BTNL8: variants seen among roughly 807,000 people sequenced by gnomAD.
BTNL8 encodes butyrophilin like 8.
In BTNL8, 22 loss-of-function variants were observed where a neutral mutation model predicts 36.1. That is an observed-to-expected ratio of 0.61 (90% CI 0.44 to 0.87). The LOEUF is 0.87. BTNL8 is among the 40% of genes least tolerant of loss of function. The pLI, the probability that BTNL8 is intolerant of heterozygous loss-of-function variation, is 0.00. For missense variants in BTNL8, 526 were observed against 616.9 expected (o/e 0.85, Z 1.56); for synonymous variants, 203 against 235.6 (o/e 0.86, Z 1.27).
chr5:180,942,029 C>A (rs1441865141), intron 3 of BTNL8, among the ~76,000 whole-genome samples: 3 of 151,738 alleles, frequency 2.0e-5, no homozygotes, highest in Admixed American at 6.6e-5. Flanking sequence ...ACAACATGAT[C>A]TTTATATAAA....
intron 3 of BTNL8, among the ~76,000 whole-genome samples, chr5:180,937,365 C>T (rs1758705567): frequency 6.6e-6 from 1 of 152,192 alleles, no homozygotes; most frequent in African/African-American, 2.4e-5. Flanking sequence ...ACACAGCCTA[C>T]AACATTGACA....
chr5:180,899,392 TAACA>T (rs764636260), intron 1 of BTNL8, 33 bp downstream of exon 1: 15 of 1,594,554 alleles, frequency 9.4e-6, no homozygotes, highest in African/African-American at 2.7e-5. Flanking sequence ...CCTTACTAAC[TAACA>T]GTTTGAGTTC....
chr5:180,937,241 G>C (rs770004149), intron 3 of BTNL8, among the ~76,000 whole-genome samples: 4 of 152,152 alleles, frequency 2.6e-5, no homozygotes, highest in African/African-American at 4.8e-5. Flanking sequence ...TACACCCCTG[G>C]GACCAAGTGA....
intron 1 of BTNL8, among the ~76,000 whole-genome samples, chr5:180,901,671 C>T (rs1021171042): frequency 6.6e-6 from 1 of 152,098 alleles, no homozygotes. Flanking sequence ...ATGTAATTGT[C>T]ACACTTGAAG....
Position 180,949,703 on chromosome 5 carries a change from A to T in BTNL8, c.863-201A>T. ...ATGCCGAGATTGGGACGTCATATTG[A>T]GACATATCTAGACATTGATGAGTCC... On this transcript the variant is annotated intron_variant, in intron 7 of 7. Coordinates refer to ENST00000340184, the MANE Select transcript of BTNL8 (RefSeq NM_001040462.3). 3.1e-6 allele frequency: 2 copies of T among 651,654 alleles called. 1 individual carries two copies. The highest frequency in any genetic ancestry group is 6.0e-5 in the East Asian group (2 of 33,320). 40.4% of individuals were successfully genotyped at this position (651,654 alleles called of 1,614,324 possible).
chr5:180,936,847 C>T (rs377242793), intron 3 of BTNL8, among the ~76,000 whole-genome samples: 3 of 152,124 alleles, frequency 2.0e-5, no homozygotes, highest in Non-Finnish European at 2.9e-5. Context: ...ACCAGTGAGC[C>T]GAAACTTTCA....
At chr5:180,906,102 A>G (rs10479591) in intron 1 of BTNL8, among the ~76,000 whole-genome samples, 34,799 of 118,994 alleles carry the variant, frequency 0.29, 6,229 homozygotes, top group African/African-American at 0.49. Flanking sequence ...TCGTTGATCT[A>G]TCTAATGTTG....
rs569042765 is a variant in BTNL8, at chr5:180,918,245, A to C, written c.673+6631A>C. Among the ~76,000 whole-genome samples, 5 of 152,286 alleles carry C rather than the reference A, an allele frequency of 3.3e-5. No individual in the cohort carries two copies. The South Asian group carries it at 1.0e-3, about 32-fold the overall frequency. Reference sequence around the variant, plus strand: ...GATGCAAACATTTCCAACAAATATTAGCCAACCAAATTCATGATAAAAAGA... The same window carrying C: ...GATGCAAACATTTCCAACAAATATTCGCCAACCAAATTCATGATAAAAAGA... On this transcript the variant is annotated intron_variant, in intron 3 of 7. Transcript: ENST00000340184.
chr5:180,900,787 AACTGGGACCCAGTCCC>A (rs1318934099), intron 1 of BTNL8, among the ~76,000 whole-genome samples: 2 of 152,238 alleles, frequency 1.3e-5, no homozygotes, highest in Non-Finnish European at 1.5e-5. Flanking sequence ...CTGCGGTGGC[AACTGGGACCCAGTCCC>A]ACTGGGACCT....
chr5:180,930,994 G>A (rs764938083), intron 3 of BTNL8, among the ~76,000 whole-genome samples: 44 of 152,224 alleles, frequency 2.9e-4, no homozygotes, highest in African/African-American at 4.3e-4. Flanking sequence ...AAAAGAGCCC[G>A]TATAGCCAAG....
chr5:180,915,496 C>T (rs1757586812), intron 3 of BTNL8, among the ~76,000 whole-genome samples: 1 of 152,212 alleles, frequency 6.6e-6, no homozygotes, highest in South Asian at 2.1e-4. Flanking sequence ...GACTTCCTCT[C>T]ACCAAGAAGG....
intron 1 of BTNL8, among the ~76,000 whole-genome samples, chr5:180,907,165 A>G (rs1757117802): frequency 8.3e-6 from 1 of 121,028 alleles, no homozygotes; most frequent in Non-Finnish European, 1.7e-5. Flanking sequence ...TACACCAATC[A>G]GACGTAGATT....
chr5:180,911,558 G>C lies in BTNL8; in HGVS notation c.617G>C (p.Cys206Ser). The part of the protein sequence containing the change: ...TVQENAGSIS[C>S]SMRHAHLSRE... ...CAAGAGAACGCCGGGAGCATATCCT[G>C]TTCCATGCGGCATGCTCATCTGAGC... The change falls in exon 3 of 8, where the codon TGT (cysteine) becomes TCT (serine). Residue 206 changes from cysteine (C) to serine (S), a missense_variant. Around this residue, in one of 2 missense-constraint regions of BTNL8, gnomAD observed 350 missense variants for 324.6 expected, o/e 1.08. Coordinates refer to ENST00000340184, the MANE Select transcript of BTNL8 (RefSeq NM_001040462.3). 6.2e-7 allele frequency: 1 copy of C among 1,614,106 alleles called. No homozygotes were observed. Among genetic ancestry groups the C allele is most frequent in the Non-Finnish European group, 8.5e-7 (1 of 1,180,014 alleles).
intron 3 of BTNL8, among the ~76,000 whole-genome samples, chr5:180,932,663 T>A (rs1428584049): frequency 6.6e-6 from 1 of 152,132 alleles, no homozygotes; most frequent in Admixed American, 6.5e-5. Flanking sequence ...TTAAGTATAA[T>A]TTTTAAAAAG....
At chr5:180,916,786 A>T (rs1757648403) in intron 3 of BTNL8, among the ~76,000 whole-genome samples, 1 of 152,244 alleles carries the variant, frequency 6.6e-6, no homozygotes, top group Admixed American at 6.5e-5. Flanking sequence ...TTCATGTCTC[A>T]AATGGAACAG....
chr5:180,911,507 T>G lies in BTNL8; in HGVS notation c.566T>G (p.Phe189Cys). ...SRTNRDMHGL[F>C]DVEISLTVQE... ...ACAAACAGAGACATGCATGGCCTGT[T>G]TGATGTGGAGATCTCTCTGACCGTC... is the stretch of plus-strand genomic sequence containing the variant. Residue 189 changes from phenylalanine to cysteine, a missense_variant, in exon 3 of 8, where the codon TTT (phenylalanine) becomes TGT (cysteine). This residue lies in a region of BTNL8 where 350 missense variants were observed against 324.6 expected (regional missense o/e 1.08). Transcript: ENST00000340184. The G allele has an allele frequency of 6.2e-7, 1 of 1,614,188 alleles. No homozygotes were observed. The highest frequency in any genetic ancestry group is 8.5e-7 in the Non-Finnish European group (1 of 1,180,024).
rs780697404 is a variant in BTNL8 at position 180,908,639 on chromosome 5, G to T, written c.103G>T (p.Asp35Tyr). ...GCCTGTCCAGGCCTTGGTGGGGGAG[G>T]ACGCAGCATTCTCCTGTTTCCTGTC... Reference protein sequence around the residue: ...DKPVQALVGEDAAFSCFLSPK... With the variant: ...DKPVQALVGEYAAFSCFLSPK... The change falls in exon 2 of 8, where the codon GAC becomes TAC. Residue 35 changes from aspartate (D) to tyrosine (Y), a missense_variant. Asp to Tyr is a radical substitution (Grantham distance 160, BLOSUM62 -3). Around this residue, in one of 2 missense-constraint regions of BTNL8, gnomAD observed 350 missense variants for 324.6 expected, o/e 1.08. Coordinates refer to ENST00000340184, the MANE Select transcript of BTNL8 (RefSeq NM_001040462.3). 1.9e-6 allele frequency: 3 copies of T among 1,614,230 alleles called. No individual in the cohort carries two copies. The Admixed American group carries it at 5.0e-5, about 27-fold the overall frequency.
chr5:180,943,409 C>T (rs773344909), intron 3 of BTNL8, among the ~76,000 whole-genome samples: 4 of 152,084 alleles, frequency 2.6e-5, no homozygotes, highest in Non-Finnish European at 5.9e-5. Flanking sequence ...GGATTACAGG[C>T]ATGAGCCACC....
chr5:180,899,167 G>A lies in BTNL8; in HGVS notation c.-144G>A, dbSNP rs149228007. On this transcript the variant is annotated 5_prime_UTR_variant, in exon 1 of 8. Transcript: ENST00000340184. ...CGATGGAGTAGACTCTCAGAACAGCGCAGTTTGCCCTCCGCTCACGCAGAG... is the reference window on the plus strand; with the variant it reads ...CGATGGAGTAGACTCTCAGAACAGCACAGTTTGCCCTCCGCTCACGCAGAG... 2.7e-5 allele frequency: 23 copies of A among 852,984 alleles called. No homozygotes were observed. The highest frequency in any genetic ancestry group is 1.8e-4 in the African/African-American group (11 of 59,886). The allele number at this position is 852,984 out of a possible 1,614,324, so 52.8% of individuals were successfully genotyped here. A position where few individuals can be genotyped will look rare whatever the true frequency, so the allele number is the denominator to read the frequency against.
Sources: gnomAD v4.1 joint callset for allele counts (sites outside exome capture counted in the v4.1 genomes callset) on GRCh38, gnomAD v4.1.1 for gene constraint, gnomAD v4.1.1 regional missense constraint, MANE v1.5 for transcripts, NCBI Gene and HGNC (gene_info 2026-07-23, HGNC 2026-07-21) for gene names.